Variants in GCSAML observed in about 807,000 individuals in gnomAD.
GCSAML encodes the protein germinal center associated signaling and motility like, also known as germinal center-associated signaling and motility-like protein.
A neutral mutation model predicts 13.0 loss-of-function variants in GCSAML; 9 were observed. That is an observed-to-expected ratio of 0.69 (90% CI 0.42 to 1.21). The LOEUF is 1.21. Ranked by LOEUF, GCSAML falls within the 50% of genes most tolerant of loss-of-function variation. The probability of loss-of-function intolerance (pLI) is 0.00; values close to 1 mark genes in which losing one functional copy is unlikely to be tolerated. For missense variants in GCSAML, 143 were observed against 153.4 expected (o/e 0.93, Z 0.36); for synonymous variants, 37 against 52.9 (o/e 0.70, Z 1.31).
intron 4 of GCSAML, among the ~76,000 whole-genome samples, chr1:247,570,656 A>G (rs1023125351): frequency 2.6e-5 from 4 of 152,088 alleles, no homozygotes; most frequent in African/African-American, 9.7e-5. Flanking sequence ...GATAAGTGCT[A>G]TTTCGTGCTG....
intron 1 of GCSAML, among the ~76,000 whole-genome samples, chr1:247,552,776 G>A (rs774759474): frequency 2.0e-5 from 3 of 152,148 alleles, no homozygotes; most frequent in African/African-American, 4.8e-5. Context: ...TATATTTTGA[G>A]ATGGAGTCTT....
rs1668878744 is a variant in GCSAML at position 247,577,475 on chromosome 1, G to A, written c.*3093G>A. ...AATGTACCCTTTCCATATTTATTTT[G>A]TGTGTGTAAGGCTTCTTTTAGTCAT... is the stretch of plus-strand genomic sequence containing the variant. On this transcript the variant is annotated 3_prime_UTR_variant, in exon 5 of 5. Transcript: ENST00000366488. The A allele has an allele frequency of 6.6e-6, 1 of 152,006 alleles. No homozygotes were observed. The highest frequency in any genetic ancestry group is 2.4e-5 in the African/African-American group (1 of 41,378). 9.4% of individuals were successfully genotyped at this position (152,006 alleles called of 1,614,324 possible).
intron 4 of GCSAML, among the ~76,000 whole-genome samples, chr1:247,573,548 A>G (rs1174895310): frequency 6.6e-6 from 1 of 152,048 alleles, no homozygotes; most frequent in Non-Finnish European, 1.5e-5. Context: ...AATGAGATGA[A>G]CTGGGTACCT....
chr1:247,556,710 A>T lies in GCSAML; in HGVS notation c.89+244A>T, dbSNP rs181615211. Among the ~76,000 whole-genome samples, 727 of 152,298 alleles carry T rather than the reference A, an allele frequency of 4.8e-3. 2 individuals carry two copies. Among genetic ancestry groups the T allele is most frequent in the Non-Finnish European group, 7.5e-3 (509 of 68,012 alleles). ...TATATAATGTGAGTGTAGAAACATA[A>T]AGATAGAATAAAGGATGTTTGGTTT... On this transcript the variant is annotated intron_variant, in intron 2 of 4. Coordinates refer to ENST00000366488, the MANE Select transcript of GCSAML (RefSeq NM_145278.5).
rs1273768326 is a variant in GCSAML at position 247,576,253 on chromosome 1, T to TTCAGATGTTAAGCTGGTGATGCAG, written c.*1873_*1896dup. 1 of 152,150 alleles carries TTCAGATGTTAAGCTGGTGATGCAG rather than the reference T, an allele frequency of 6.6e-6. No homozygotes were observed. The highest frequency in any genetic ancestry group is 1.5e-5 in the Non-Finnish European group (1 of 68,032). The allele number at this position is 152,150 out of a possible 1,614,324, so 9.4% of individuals were successfully genotyped here. Reference sequence around the variant, plus strand: ...TATTTCAAGTCAGTGCTCAAAAAGTTTCAGATGTTAAGCTGGTGATGCAGT... The same window carrying TTCAGATGTTAAGCTGGTGATGCAG: ...TATTTCAAGTCAGTGCTCAAAAAGTTTCAGATGTTAAGCTGGTGATGCAGTCAGATGTTAAGCTGGTGATGCAGT... On this transcript the variant is annotated 3_prime_UTR_variant, in exon 5 of 5. Coordinates refer to ENST00000366488, the MANE Select transcript of GCSAML (RefSeq NM_145278.5).
At chr1:247,547,896 C>T (rs1409378904), upstream of GCSAML, among the ~76,000 whole-genome samples, 1 of 152,188 alleles carries the variant, frequency 6.6e-6, no homozygotes, top group Non-Finnish European at 1.5e-5. Context: ...TAGGTTGTCA[C>T]ATACGAATTA....
intron 1 of GCSAML, among the ~76,000 whole-genome samples, chr1:247,517,057 G>A (rs1666235323): frequency 6.6e-6 from 1 of 152,120 alleles, no homozygotes; most frequent in South Asian, 2.1e-4. Context: ...AATATTGACT[G>A]GAAAGGCACA....
At chr1:247,508,705 T>C (rs765694954) in intron 1 of GCSAML, among the ~76,000 whole-genome samples, 1 of 152,072 alleles carries the variant, frequency 6.6e-6, no homozygotes, top group Non-Finnish European at 1.5e-5. Context: ...GTAAGGAAGG[T>C]GTCCATTTCA....
At chr1:247,562,243 T>C (rs1668157099) in intron 2 of GCSAML, among the ~76,000 whole-genome samples, 1 of 152,104 alleles carries the variant, frequency 6.6e-6, no homozygotes, top group African/African-American at 2.4e-5. Context: ...TAAGGAACGC[T>C]AAGGTCTGGC....
intron 2 of GCSAML, chr1:247,538,910 G>A (rs765727742): frequency 1.3e-4 from 46 of 345,490 alleles, no homozygotes; most frequent in Non-Finnish European, 1.9e-4. Context: ...TTTAGAAAAC[G>A]AACCCTGTTG....
At chr1:247,556,657 A>G (rs1382053155) in intron 2 of GCSAML, among the ~76,000 whole-genome samples, 191 bp downstream of exon 2, 5 of 152,206 alleles carry the variant, frequency 3.3e-5, no homozygotes, top group African/African-American at 1.2e-4. Context: ...AAGACAGGGT[A>G]TTAGCCACGT....
chr1:247,515,882 C>T (rs1219319448), intron 1 of GCSAML, among the ~76,000 whole-genome samples: 1 of 152,282 alleles, frequency 6.6e-6, no homozygotes, highest in South Asian at 2.1e-4. Flanking sequence ...TTTCAGTAAA[C>T]CCAGCAGTGA....
chr1:247,566,092 C>T (rs1203280414), intron 4 of GCSAML, 133 bp downstream of exon 4: 1 of 596,906 alleles, frequency 1.7e-6, no homozygotes, highest in African/African-American at 2.0e-5. Flanking sequence ...TCTAAATGTA[C>T]TTTTAGAAAT....
At chr1:247,522,324 CCGTCT>C (rs1666479020) in intron 1 of GCSAML, among the ~76,000 whole-genome samples, 1 of 144,808 alleles carries the variant, frequency 6.9e-6, no homozygotes, top group Non-Finnish European at 1.5e-5. Flanking sequence ...GGCCGCCGCC[CCGTCT>C]GGGAGGTGGG....
rs368403004 is a variant in GCSAML, at chr1:247,524,392, CCTT to C, written c.-262-2547_-262-2545del. Among the ~76,000 whole-genome samples, 239 of 152,314 alleles carry C rather than the reference CCTT, an allele frequency of 1.6e-3. 1 individual carries two copies. Among genetic ancestry groups the C allele is most frequent in the African/African-American group, 5.5e-3 (227 of 41,568 alleles). Reference sequence around the variant, plus strand: ...CCATACCCATGCTGTGTGACTTCCTCCTTTGTTTCAGGGGAGAGCGCAAGTGGC... The same window carrying C: ...CCATACCCATGCTGTGTGACTTCCTCTGTTTCAGGGGAGAGCGCAAGTGGC... On this transcript the variant is annotated intron_variant, in intron 1 of 5. Transcript: ENST00000366489.
At chr1:247,507,916 G>A (rs543315667) in intron 1 of GCSAML, among the ~76,000 whole-genome samples, 1 of 152,266 alleles carries the variant, frequency 6.6e-6, no homozygotes, top group Non-Finnish European at 1.5e-5. Context: ...GTCTATCACT[G>A]ATGGGCATTT....
chr1:247,561,801 G>T (rs112988597), intron 2 of GCSAML, among the ~76,000 whole-genome samples: 4 of 152,118 alleles, frequency 2.6e-5, no homozygotes, highest in Non-Finnish European at 1.5e-5. Flanking sequence ...ATAAAATTGC[G>T]TGTATGCGTG....
Position 247,576,780 on chromosome 1 carries a change from T to A in GCSAML, c.*2398T>A, listed in dbSNP as rs1292730172. The A allele has an allele frequency of 6.6e-6, 1 of 152,226 alleles. No homozygotes were observed. The highest frequency in any genetic ancestry group is 2.4e-5 in the African/African-American group (1 of 41,456). The allele number at this position is 152,226 out of a possible 1,614,324, so 9.4% of individuals were successfully genotyped here. A position where few individuals can be genotyped will look rare whatever the true frequency, so the allele number is the denominator to read the frequency against. ...TTTTGCAATTCTAGAAAAGTCATTC[T>A]GTCAAAATATGTCAGTCCTGTAGAT... On this transcript the variant is annotated 3_prime_UTR_variant, in exon 5 of 5. Coordinates refer to ENST00000366488, the MANE Select transcript of GCSAML (RefSeq NM_145278.5).
At chr1:247,534,862 T>C (rs2892240) in intron 2 of GCSAML, among the ~76,000 whole-genome samples, 122,319 of 152,154 alleles carry the variant, frequency 0.8, 49,935 homozygotes, top group African/African-American at 0.93. Context: ...CAGAAAACTC[T>C]AGGCATTTGT....
Sources: gnomAD v4.1 joint callset for allele counts (sites outside exome capture counted in the v4.1 genomes callset) on GRCh38, gnomAD v4.1.1 for gene constraint, MANE v1.5 for transcripts, NCBI Gene and HGNC (gene_info 2026-07-23, HGNC 2026-07-21) for gene names.